GRIN2A: variants seen among roughly 807,000 people sequenced by gnomAD.
GRIN2A encodes the protein glutamate receptor ionotropic, NMDA 2A.
In GRIN2A, 22 loss-of-function variants were observed where a neutral mutation model predicts 113.4. The ratio of observed to expected loss-of-function variants is 0.19; its 90% CI spans 0.14 to 0.28. GRIN2A has a LOEUF of 0.28. Among genes scored for constraint, GRIN2A ranks in the 10% least tolerant of loss-of-function variants. GRIN2A has a pLI of 1.00. For synonymous variants in GRIN2A, 827 were observed against 738.4 expected, an observed-to-expected ratio of 1.12 and a Z score of -1.94; for missense variants, 1,502 against 1,887.0, an observed-to-expected ratio of 0.80 and a Z score of 3.78.
chr16:10,082,893 A>G (rs1383625522), intron 2 of GRIN2A, among the ~76,000 whole-genome samples: 1 of 152,008 alleles, frequency 6.6e-6, no homozygotes, highest in Non-Finnish European at 1.5e-5. Context: ...TAATAATAAT[A>G]AAATAGAAAA....
At chr16:9,788,652 C>T (rs1301292094) in intron 11 of GRIN2A, among the ~76,000 whole-genome samples, 3 of 151,912 alleles carry the variant, frequency 2.0e-5, no homozygotes, top group African/African-American at 7.3e-5. Flanking sequence ...CTTTTTCCTT[C>T]CCCACACTAT....
At chr16:9,936,558 A>T (rs1485210713) in intron 3 of GRIN2A, among the ~76,000 whole-genome samples, 1 of 152,192 alleles carries the variant, frequency 6.6e-6, no homozygotes, top group Non-Finnish European at 1.5e-5. Context: ...TTGGGATAGG[A>T]GTGATCATTC....
intron 2 of GRIN2A, among the ~76,000 whole-genome samples, chr16:10,135,978 A>G (rs1045404711): frequency 3.3e-5 from 5 of 152,184 alleles, no homozygotes; most frequent in Admixed American, 2.6e-4. Context: ...CTCCGTCCCT[A>G]ACACTCAAGA....
chr16:10,074,725 G>A (rs1018224704), intron 2 of GRIN2A, among the ~76,000 whole-genome samples: 1 of 152,170 alleles, frequency 6.6e-6, no homozygotes, highest in Non-Finnish European at 1.5e-5. Context: ...TCTAGGGCTG[G>A]GGACAAAGGG....
chr16:10,148,449 A>C (rs2049492037), intron 2 of GRIN2A, among the ~76,000 whole-genome samples: 2 of 152,206 alleles, frequency 1.3e-5, no homozygotes, highest in South Asian at 2.1e-4. Context: ...CTGTGACCTT[A>C]AATACTATCT....
chr16:10,069,752 G>A (rs2047715532), intron 2 of GRIN2A, among the ~76,000 whole-genome samples: 1 of 152,246 alleles, frequency 6.6e-6, no homozygotes, highest in African/African-American at 2.4e-5. Context: ...TTCATCTCTT[G>A]TTAAGGAAAT....
At chr16:9,979,818 T>TATATATATATAC (rs1567213718) in intron 2 of GRIN2A, among the ~76,000 whole-genome samples, 1 of 134,346 alleles carries the variant, frequency 7.4e-6, no homozygotes, top group South Asian at 2.6e-4. Flanking sequence ...TATATGTATA[T>TATATATATATAC]GTATGTATTT....
chr16:10,046,570 A>G (rs2047262909), intron 2 of GRIN2A, among the ~76,000 whole-genome samples: 1 of 152,112 alleles, frequency 6.6e-6, no homozygotes, highest in African/African-American at 2.4e-5. Context: ...TCACCTTTCA[A>G]TGCATCCCAA....
At position 9,755,189 on chromosome 16, in the gene GRIN2A, C is replaced by A. The variant is rs1439055828; in HGVS notation, c.*7960G>T. On this transcript the variant is annotated 3_prime_UTR_variant, in exon 13 of 13. Coordinates refer to ENST00000330684, the MANE Select transcript of GRIN2A (RefSeq NM_001134407.3). ...TTTTGTCTTCTTCGTTTCTGCAGACCGCTGACACTTTATCTGAGGAAGTTA... is the reference window on the plus strand; with the variant it reads ...TTTTGTCTTCTTCGTTTCTGCAGACAGCTGACACTTTATCTGAGGAAGTTA... 1 of 190,296 alleles carries A rather than the reference C, an allele frequency of 5.3e-6. No individual in the cohort carries two copies. Among genetic ancestry groups the A allele is most frequent in the Non-Finnish European group, 1.1e-5 (1 of 90,704 alleles). 11.8% of individuals were successfully genotyped at this position (190,296 alleles called of 1,614,324 possible). A position where few individuals can be genotyped will look rare whatever the true frequency, so the allele number is the denominator to read the frequency against.
chr16:9,968,750 G>A (rs1035083658), intron 2 of GRIN2A, among the ~76,000 whole-genome samples: 4 of 151,996 alleles, frequency 2.6e-5, no homozygotes, highest in African/African-American at 9.7e-5. Context: ...TGGGATTATA[G>A]GTGGGCACCA....
chr16:10,135,706 C>T (rs12929783), intron 2 of GRIN2A, among the ~76,000 whole-genome samples: 13,975 of 152,200 alleles, frequency 0.092, 670 homozygotes, highest in Middle Eastern at 0.12. Context: ...CAGGCTGGAA[C>T]TTCTGGGCAT....
intron 2 of GRIN2A, among the ~76,000 whole-genome samples, chr16:10,025,193 G>T (rs2141907448): frequency 6.6e-6 from 1 of 152,064 alleles, no homozygotes; most frequent in South Asian, 2.1e-4. Context: ...TAATGGTGCA[G>T]CTGAATCATA....
intron 2 of GRIN2A, among the ~76,000 whole-genome samples, chr16:9,950,377 T>C (rs1336168933): frequency 6.6e-6 from 1 of 152,058 alleles, no homozygotes; most frequent in Non-Finnish European, 1.5e-5. Context: ...TTGGACCTCA[T>C]GGTTACTTGA....
At chr16:10,150,796 G>A (rs1332680291) in intron 2 of GRIN2A, among the ~76,000 whole-genome samples, 1 of 152,068 alleles carries the variant, frequency 6.6e-6, no homozygotes, top group Non-Finnish European at 1.5e-5. Context: ...TCCCTGTCTA[G>A]TACTTAACAC....
At chr16:10,054,134 C>T (rs981711031) in intron 2 of GRIN2A, among the ~76,000 whole-genome samples, 9 of 151,914 alleles carry the variant, frequency 5.9e-5, no homozygotes, top group Non-Finnish European at 7.4e-5. Context: ...AAATATCCTA[C>T]GTGGATAAAG....
chr16:10,076,075 C>T (rs913075584), intron 2 of GRIN2A, among the ~76,000 whole-genome samples: 17 of 152,080 alleles, frequency 1.1e-4, no homozygotes, highest in African/African-American at 4.1e-4. Flanking sequence ...AAAAGCATGG[C>T]AAAATGTGAA....
At chr16:9,971,928 G>C (rs1183409444) in intron 2 of GRIN2A, among the ~76,000 whole-genome samples, 4 of 152,178 alleles carry the variant, frequency 2.6e-5, no homozygotes, top group African/African-American at 9.7e-5. Context: ...TTGCCACCTA[G>C]GTCTGACAGC....
chr16:10,166,568 G>T (rs1384127230), intron 2 of GRIN2A, among the ~76,000 whole-genome samples: 1 of 152,158 alleles, frequency 6.6e-6, no homozygotes, highest in Non-Finnish European at 1.5e-5. Flanking sequence ...TCCCTCCTCT[G>T]CATTCCCATG....
chr16:10,050,760 C>T (rs957253337), intron 2 of GRIN2A, among the ~76,000 whole-genome samples: 1 of 152,078 alleles, frequency 6.6e-6, no homozygotes, highest in Admixed American at 6.6e-5. Context: ...CTGTCTTCCA[C>T]GAAACTGGTC....
Sources: allele counts gnomAD v4.1 joint callset (sites outside exome capture counted in the v4.1 genomes callset), GRCh38; gene constraint gnomAD v4.1.1; transcripts MANE v1.5; gene names NCBI Gene and HGNC (gene_info 2026-07-23, HGNC 2026-07-21).